CSMD1: variants seen among roughly 807,000 people sequenced by gnomAD.
The protein encoded by CSMD1 is CUB and sushi domain-containing protein 1.
A neutral mutation model predicts 417.5 loss-of-function variants in CSMD1; 213 were observed. The ratio of observed to expected loss-of-function variants is 0.51; its 90% confidence interval spans 0.46 to 0.57. CSMD1 has a LOEUF of 0.57. Among genes scored for constraint, CSMD1 ranks in the 20% least tolerant of loss-of-function variants. The pLI, the probability that CSMD1 is intolerant of heterozygous loss-of-function variation, is 0.00. For synonymous variants in CSMD1, 2,862 were observed against 1,736.8 expected, an observed-to-expected ratio of 1.65 and a Z score of -16.11; for missense variants, 6,923 against 4,529.7, an observed-to-expected ratio of 1.53 and a Z score of -15.17.
intron 5 of CSMD1, among the ~76,000 whole-genome samples, chr8:3,791,728 C>G (rs538784434): frequency 1.3e-5 from 2 of 152,096 alleles, no homozygotes; most frequent in Non-Finnish European, 1.5e-5. Flanking sequence ...GAGGCTGAAG[C>G]AAGAGAATCG....
At chr8:4,825,107 C>A (rs2117406388) in intron 1 of CSMD1, among the ~76,000 whole-genome samples, 1 of 152,132 alleles carries the variant, frequency 6.6e-6, no homozygotes, top group African/African-American at 2.4e-5. Context: ...ACTTGATGAA[C>A]AACACAAATC....
chr8:4,068,323 G>A lies in CSMD1; in HGVS notation c.416-36224C>T, dbSNP rs74561091. On this transcript the variant is annotated intron_variant, in intron 3 of 69. Transcript: ENST00000635120. ...ACAGTGTATTGCGGGAGAGCTGTGA[G>A]GCCAGCATGAGAGTGGGGCTCAAAG... Among the ~76,000 whole-genome samples the A allele has an allele frequency of 2.2e-3, 328 of 152,256 alleles. 1 individual carries two copies. In the East Asian group the frequency reaches 0.058, roughly 27 times the overall value.
chr8:3,193,504 T>C (rs1040878910), intron 33 of CSMD1, among the ~76,000 whole-genome samples: 5 of 151,950 alleles, frequency 3.3e-5, no homozygotes, highest in Non-Finnish European at 7.4e-5. Flanking sequence ...TGTAACTTCA[T>C]CCTCCCCGCC....
intron 5 of CSMD1, among the ~76,000 whole-genome samples, chr8:3,797,357 G>C (rs1428618757): frequency 1.3e-5 from 2 of 151,876 alleles, no homozygotes; most frequent in Non-Finnish European, 2.9e-5. Flanking sequence ...GTCACAAGTA[G>C]AGCCCACACC....
chr8:4,673,827 A>G (rs978693496), intron 1 of CSMD1, among the ~76,000 whole-genome samples: 1 of 152,172 alleles, frequency 6.6e-6, no homozygotes, highest in Non-Finnish European at 1.5e-5. Flanking sequence ...AGAGACTAAA[A>G]GCAATTGAGT....
At chr8:3,010,130 T>C (rs1808268256) in intron 52 of CSMD1, among the ~76,000 whole-genome samples, 1 of 152,152 alleles carries the variant, frequency 6.6e-6, no homozygotes, top group African/African-American at 2.4e-5. Context: ...CAGGTGCGCA[T>C]CTTCCACAAA....
Position 3,119,384 on chromosome 8 carries a change from T to TAAAAAA in CSMD1, c.6242-803_6242-798dup, listed in dbSNP as rs34060531. Among the ~76,000 whole-genome samples, 19 of 88,268 alleles carry TAAAAAA rather than the reference T, an allele frequency of 2.2e-4. 1 individual carries two copies. The highest frequency in any genetic ancestry group is 3.7e-4 in the Non-Finnish European group (16 of 42,894). The allele number at this position is 88,268 out of a possible 152,430, so 57.9% of individuals were successfully genotyped here. The stretch of plus-strand genomic sequence containing the variant: ...CATTGCAGTTTTTTTAGTCTTTTTC[T>TAAAAAA]AAAAAAAAAAAAAAAAAAAAAAAAA... On this transcript the variant is annotated intron_variant, in intron 41 of 69. Coordinates refer to ENST00000635120, the MANE Select transcript of CSMD1 (RefSeq NM_033225.6).
intron 3 of CSMD1, among the ~76,000 whole-genome samples, chr8:4,042,904 G>A (rs932181260): frequency 2.7e-5 from 4 of 148,798 alleles, no homozygotes; most frequent in African/African-American, 7.4e-5. Flanking sequence ...GAGGTGGGAA[G>A]ATTATGAGTT....
At chr8:4,251,989 A>G (rs1345689324) in intron 3 of CSMD1, among the ~76,000 whole-genome samples, 1 of 152,062 alleles carries the variant, frequency 6.6e-6, no homozygotes, top group African/African-American at 2.4e-5. Context: ...AAACAGAGCT[A>G]ATTACAAGCA....
chr8:3,552,113 C>T (rs1437908987), intron 10 of CSMD1, among the ~76,000 whole-genome samples: 1 of 152,148 alleles, frequency 6.6e-6, no homozygotes, highest in Non-Finnish European at 1.5e-5. Flanking sequence ...GAAAAAATCT[C>T]CTTTACATGG....
intron 3 of CSMD1, among the ~76,000 whole-genome samples, chr8:4,181,428 C>G (rs1407009950): frequency 6.6e-6 from 1 of 151,382 alleles, no homozygotes; most frequent in African/African-American, 2.4e-5. Flanking sequence ...CTTCCCTGGG[C>G]AACATTGGAA....
intron 1 of CSMD1, among the ~76,000 whole-genome samples, chr8:4,927,164 T>C (rs1364688056): frequency 2.0e-5 from 3 of 151,194 alleles, no homozygotes; most frequent in Admixed American, 2.0e-4. Context: ...TGGAGTGCAA[T>C]GGCACAATCT....
intron 46 of CSMD1, among the ~76,000 whole-genome samples, chr8:3,104,085 T>G (rs144008673): frequency 6.6e-6 from 1 of 152,220 alleles, no homozygotes; most frequent in Non-Finnish European, 1.5e-5. Flanking sequence ...TACATACGTA[T>G]GCCTTTCTTC....
intron 8 of CSMD1, among the ~76,000 whole-genome samples, chr8:3,606,999 C>T (rs895003188): frequency 6.6e-6 from 1 of 152,096 alleles, no homozygotes; most frequent in Non-Finnish European, 1.5e-5. Flanking sequence ...CGTGAGCCGC[C>T]GTGCCTGGCC....
chr8:4,770,559 A>C (rs1796547308), intron 1 of CSMD1, among the ~76,000 whole-genome samples: 1 of 151,964 alleles, frequency 6.6e-6, no homozygotes, highest in South Asian at 2.1e-4. Context: ...TCCTGATTTA[A>C]AATTATAGTA....
chr8:3,792,350 C>G (rs1421499865), intron 5 of CSMD1, among the ~76,000 whole-genome samples: 1 of 152,056 alleles, frequency 6.6e-6, no homozygotes, highest in Non-Finnish European at 1.5e-5. Flanking sequence ...AATGAACACC[C>G]ACATGTACAT....
intron 3 of CSMD1, among the ~76,000 whole-genome samples, chr8:4,407,246 G>GA (rs1212179742): frequency 6.6e-6 from 1 of 152,124 alleles, no homozygotes; most frequent in African/African-American, 2.4e-5. Flanking sequence ...GATGTCAATG[G>GA]AATGTTTAAA....
At chr8:4,752,027 A>C (rs1472034705) in intron 1 of CSMD1, among the ~76,000 whole-genome samples, 1 of 152,180 alleles carries the variant, frequency 6.6e-6, no homozygotes, top group Non-Finnish European at 1.5e-5. Context: ...ATCTACATTA[A>C]ATATGTATAT....
At chr8:3,423,611 G>A (rs1326715081) in intron 12 of CSMD1, among the ~76,000 whole-genome samples, 2 of 152,102 alleles carry the variant, frequency 1.3e-5, no homozygotes, top group Admixed American at 1.3e-4. Flanking sequence ...TGTGGCTTTG[G>A]CACCATTTGT....
Sources: gnomAD v4.1 joint callset for allele counts (sites outside exome capture counted in the v4.1 genomes callset) on GRCh38, gnomAD v4.1.1 for gene constraint, MANE v1.5 for transcripts, NCBI Gene and HGNC (gene_info 2026-07-23, HGNC 2026-07-21) for gene names.